NAALADL2: variants seen among roughly 807,000 people sequenced by gnomAD.
NAALADL2 encodes the protein N-acetylated alpha-linked acidic dipeptidase like 2, also known as inactive N-acetylated-alpha-linked acidic dipeptidase-like protein 2.
NAALADL2 carries 76 observed loss-of-function variants against 87.2 expected under a neutral mutation model. The observed-to-expected ratio is 0.87, with a 90% confidence interval of 0.72 to 1.05. The LOEUF (loss-of-function observed/expected upper bound fraction) is 1.05. NAALADL2 is among the 50% of genes least tolerant of loss of function. The pLI is 0.00. For missense variants in NAALADL2, 1,089 were observed against 945.8 expected (o/e 1.15, Z -1.99); for synonymous variants, 354 against 331.0 (o/e 1.07, Z -0.75).
At chr3:175,108,108 A>G (rs1000875288) in intron 2 of NAALADL2, among the ~76,000 whole-genome samples, 2 of 152,018 alleles carry the variant, frequency 1.3e-5, no homozygotes, top group Admixed American at 6.6e-5. Context: ...GTGCCCTTCT[A>G]TTGCTTAAAA....
intron 3 of NAALADL2, among the ~76,000 whole-genome samples, chr3:174,780,843 C>G (rs886296692): frequency 6.6e-6 from 1 of 151,918 alleles, no homozygotes; most frequent in Non-Finnish European, 1.5e-5. Context: ...GGTTATTTTG[C>G]CCATTAGTTG....
chr3:174,594,647 G>C (rs1043699077), intron 2 of NAALADL2, among the ~76,000 whole-genome samples: 5 of 152,140 alleles, frequency 3.3e-5, no homozygotes, highest in African/African-American at 1.2e-4. Context: ...ATATAGCATC[G>C]TATTTTTCAG....
intron 1 of NAALADL2, among the ~76,000 whole-genome samples, chr3:174,870,725 T>A (rs1727731175): frequency 6.6e-6 from 1 of 152,094 alleles, no homozygotes; most frequent in African/African-American, 2.4e-5. Context: ...AGAGCTACTT[T>A]AAAAAAATAG....
chr3:174,946,898 T>C (rs544002882), intron 1 of NAALADL2, among the ~76,000 whole-genome samples: 1 of 152,314 alleles, frequency 6.6e-6, no homozygotes, highest in South Asian at 2.1e-4. Context: ...TCATTTATAT[T>C]GAACACATGA....
At chr3:174,764,716 A>C (rs1271171951) in intron 3 of NAALADL2, among the ~76,000 whole-genome samples, 1 of 152,236 alleles carries the variant, frequency 6.6e-6, no homozygotes, top group Non-Finnish European at 1.5e-5. Context: ...GTATTTACAA[A>C]AACATTGATT....
At chr3:175,084,726 G>A (rs114563675) in intron 1 of NAALADL2, among the ~76,000 whole-genome samples, 165 of 152,140 alleles carry the variant, frequency 1.1e-3, no homozygotes, top group African/African-American at 4.0e-3. Flanking sequence ...TGTGGTCAAA[G>A]AATTATCATA....
At chr3:174,965,079 G>T (rs927761400) in intron 1 of NAALADL2, among the ~76,000 whole-genome samples, 4 of 152,134 alleles carry the variant, frequency 2.6e-5, no homozygotes, top group Admixed American at 2.6e-4. Context: ...TCTAGCTCAG[G>T]GTTTCTCATG....
rs550290539 is a variant in NAALADL2, at chr3:174,717,773, T to G, written c.-114-19868T>G. On this transcript the variant is annotated intron_variant, in intron 2 of 3. Transcript: ENST00000434257. ...TTGTACATTTAGGAATTGTATTTTT[T>G]TTTCTCCTGAGTCCATTGATATATG... Among the ~76,000 whole-genome samples, 7 of 152,304 alleles carry G rather than the reference T, an allele frequency of 4.6e-5. 1 individual carries two copies. In the East Asian group the frequency reaches 9.6e-4, roughly 21 times the overall value.
At chr3:174,951,982 G>A (rs1216677510) in intron 1 of NAALADL2, among the ~76,000 whole-genome samples, 1 of 152,036 alleles carries the variant, frequency 6.6e-6, no homozygotes, top group East Asian at 1.9e-4. Flanking sequence ...CTATGCCTCT[G>A]AACATGCTTT....
intron 1 of NAALADL2, among the ~76,000 whole-genome samples, chr3:175,033,005 G>A (rs966079725): frequency 6.6e-6 from 1 of 152,024 alleles, no homozygotes; most frequent in African/African-American, 2.4e-5. Context: ...CAGCACAGGT[G>A]AAGACTGTGG....
chr3:175,725,531 G>A (rs1392578313), intron 11 of NAALADL2, among the ~76,000 whole-genome samples: 1 of 152,048 alleles, frequency 6.6e-6, no homozygotes, highest in Non-Finnish European at 1.5e-5. Context: ...ATTTTAAATA[G>A]GTGTAATCAG....
intron 6 of NAALADL2, among the ~76,000 whole-genome samples, chr3:175,462,649 C>G (rs1255791445): frequency 6.6e-6 from 1 of 152,132 alleles, no homozygotes. Context: ...CACTTCCCAA[C>G]CCAGACTTCT....
intron 1 of NAALADL2, among the ~76,000 whole-genome samples, chr3:174,537,111 C>T (rs143395715): frequency 6.6e-6 from 1 of 152,272 alleles, no homozygotes; most frequent in East Asian, 1.9e-4. Flanking sequence ...CTACTGCCAT[C>T]ATACTAATGT....
At chr3:175,213,890 A>G (rs1742122262) in intron 2 of NAALADL2, among the ~76,000 whole-genome samples, 1 of 152,094 alleles carries the variant, frequency 6.6e-6, no homozygotes, top group African/African-American at 2.4e-5. Flanking sequence ...TTCTCATATG[A>G]CATGGGATAT....
intron 3 of NAALADL2, among the ~76,000 whole-genome samples, chr3:174,795,793 G>A (rs375628401): frequency 2.2e-4 from 34 of 152,200 alleles, no homozygotes; most frequent in African/African-American, 7.7e-4. Flanking sequence ...GTTGATATTT[G>A]AGCATTTTAT....
At chr3:175,485,811 A>G (rs1171940438) in intron 9 of NAALADL2, among the ~76,000 whole-genome samples, 1 of 152,146 alleles carries the variant, frequency 6.6e-6, no homozygotes, top group Non-Finnish European at 1.5e-5. Flanking sequence ...ACCCAGAAAC[A>G]ATACTTTGCA....
At chr3:174,725,583 C>T (rs1732101492) in intron 2 of NAALADL2, among the ~76,000 whole-genome samples, 1 of 152,076 alleles carries the variant, frequency 6.6e-6, no homozygotes, top group Non-Finnish European at 1.5e-5. Flanking sequence ...AAAAGGTCAA[C>T]AGTGGAGATC....
intron 9 of NAALADL2, among the ~76,000 whole-genome samples, chr3:175,472,814 A>C (rs866253920): frequency 1.4e-4 from 22 of 152,240 alleles, no homozygotes; most frequent in African/African-American, 5.3e-4. Context: ...AATTATATCC[A>C]TATCTGTAAG....
rs1405302554 is a variant in NAALADL2 at position 175,321,696 on chromosome 3, G to A, written c.940-2479G>A. On this transcript the variant is annotated intron_variant, in intron 4 of 13. Coordinates refer to ENST00000454872, the MANE Select transcript of NAALADL2 (RefSeq NM_207015.3). ...CAAGCATTCTTATACACCAATAACAGACAAACAGAGAGCCAAATCATGAGT... is the reference window on the plus strand; with the variant it reads ...CAAGCATTCTTATACACCAATAACAAACAAACAGAGAGCCAAATCATGAGT... Among the ~76,000 whole-genome samples, 596 of 124,802 alleles carry A rather than the reference G, an allele frequency of 4.8e-3. 8 individuals are homozygous for A. Among genetic ancestry groups the A allele is most frequent in the African/African-American group, 0.019 (564 of 29,174 alleles). 81.9% of individuals were successfully genotyped at this position (124,802 alleles called of 152,430 possible). A position where few individuals can be genotyped will look rare whatever the true frequency, so the allele number is the denominator to read the frequency against.
Sources: allele counts gnomAD v4.1 joint callset (sites outside exome capture counted in the v4.1 genomes callset), GRCh38; gene constraint gnomAD v4.1.1; transcripts MANE v1.5; gene names NCBI Gene and HGNC (gene_info 2026-07-23, HGNC 2026-07-21).